JHY: variants seen among roughly 807,000 people sequenced by gnomAD.
JHY encodes the protein jhy protein homolog.
A neutral mutation model predicts 78.0 loss-of-function variants in JHY; 69 were observed. The observed-to-expected ratio is 0.88, with a 90% CI of 0.73 to 1.08. The LOEUF (loss-of-function observed/expected upper bound fraction) is 1.08, where lower values mean the gene tolerates loss of function less well. Among genes scored for constraint, JHY ranks in the 50% least tolerant of loss-of-function variants. The pLI, the probability that JHY is intolerant of heterozygous loss-of-function variation, is 0.00. For synonymous variants in JHY, 368 were observed against 342.6 expected, an observed-to-expected ratio of 1.07 and a Z score of -0.82; for missense variants, 944 against 927.8, an observed-to-expected ratio of 1.02 and a Z score of -0.23.
chr11:122,892,012 T>C (rs1862625407), intron 2 of JHY, among the ~76,000 whole-genome samples: 1 of 152,204 alleles, frequency 6.6e-6, no homozygotes, highest in African/African-American at 2.4e-5. Flanking sequence ...GTAATAAACA[T>C]TTTTAGAGGA....
At chr11:122,941,407 C>A (rs979386090) in intron 5 of JHY, among the ~76,000 whole-genome samples, 8 of 152,144 alleles carry the variant, frequency 5.3e-5, no homozygotes, top group Non-Finnish European at 1.2e-4. Context: ...ACAGTGAAAA[C>A]CTTAGTTTAC....
intron 3 of JHY, among the ~76,000 whole-genome samples, chr11:122,915,398 A>G (rs1863213680): frequency 6.6e-6 from 1 of 152,258 alleles, no homozygotes; most frequent in South Asian, 2.1e-4. Flanking sequence ...AAGGTCCCCA[A>G]GAAACCCGGA....
intron 2 of JHY, among the ~76,000 whole-genome samples, chr11:122,896,506 A>G (rs1173941707): frequency 6.6e-6 from 1 of 152,136 alleles, no homozygotes; most frequent in Non-Finnish European, 1.5e-5. Context: ...TCTTAATCCC[A>G]TTCCCTAAAT....
At chr11:122,957,847 C>A (rs1232377727) in intron 8 of JHY, among the ~76,000 whole-genome samples, 4 of 136,400 alleles carry the variant, frequency 2.9e-5, no homozygotes. Flanking sequence ...GTAAAGTTAA[C>A]CTTTGTTTTT....
At chr11:122,921,927 G>A (rs2135336071) in intron 3 of JHY, among the ~76,000 whole-genome samples, 1 of 152,258 alleles carries the variant, frequency 6.6e-6, no homozygotes, top group Non-Finnish European at 1.5e-5. Context: ...GAGGTTGTAA[G>A]CCAAGATCAT....
At chr11:122,886,374 A>G (rs1214209046) in intron 2 of JHY, among the ~76,000 whole-genome samples, 181 bp downstream of exon 2, 6 of 152,072 alleles carry the variant, frequency 3.9e-5, no homozygotes, top group African/African-American at 4.8e-5. Flanking sequence ...GATTTTTTTT[A>G]ATTAAAAAGT....
At position 122,942,932 on chromosome 11, in the gene JHY, C is replaced by T. The variant is rs535154825; in HGVS notation, c.1635-3566C>T. Among the ~76,000 whole-genome samples, 35 of 152,142 alleles carry T rather than the reference C, an allele frequency of 2.3e-4. 1 individual carries two copies. Among genetic ancestry groups the T allele is most frequent in the South Asian group, 6.2e-4 (3 of 4,816 alleles). On this transcript the variant is annotated intron_variant, in intron 5 of 8. Coordinates refer to ENST00000227349, the MANE Select transcript of JHY (RefSeq NM_024806.4). ...CCATGTTGCCCAGGCTGGAGTGCAA[C>T]GGAGTGATCCTAGCTCACTGCAGTC...
intron 4 of JHY, among the ~76,000 whole-genome samples, chr11:122,928,965 G>A (rs1305219456): frequency 6.8e-6 from 1 of 147,486 alleles, no homozygotes; most frequent in African/African-American, 2.5e-5. Context: ...TCTTTTTAAG[G>A]CTGAGTTTCA....
At chr11:122,933,930 C>T (rs757562824) in intron 4 of JHY, among the ~76,000 whole-genome samples, 12 of 152,158 alleles carry the variant, frequency 7.9e-5, no homozygotes, top group Non-Finnish European at 1.3e-4. Flanking sequence ...GCTTCCCCAC[C>T]TCATCCCCCA....
intron 2 of JHY, among the ~76,000 whole-genome samples, chr11:122,903,235 T>C (rs1862901430): frequency 6.6e-6 from 1 of 152,246 alleles, no homozygotes; most frequent in Non-Finnish European, 1.5e-5. Flanking sequence ...AGTTTTATCT[T>C]CACCAGCTGA....
chr11:122,922,338 CAGGTAGAAGTA>C (rs1863384827), intron 3 of JHY, among the ~76,000 whole-genome samples: 1 of 152,080 alleles, frequency 6.6e-6, no homozygotes, highest in Admixed American at 6.6e-5. Flanking sequence ...AGAGATAGCT[CAGGTAGAAGTA>C]AGGTTACACC....
chr11:122,958,103 A>G (rs909561586), intron 8 of JHY, among the ~76,000 whole-genome samples: 4 of 152,180 alleles, frequency 2.6e-5, no homozygotes, highest in Non-Finnish European at 5.9e-5. Flanking sequence ...TGTAATATAT[A>G]GGTTCCTCTA....
intron 3 of JHY, among the ~76,000 whole-genome samples, chr11:122,910,396 G>A (rs926860284): frequency 2.6e-4 from 39 of 151,948 alleles, no homozygotes; most frequent in Admixed American, 2.0e-3. Context: ...GTCTGAGCTC[G>A]GGAGGCAGGG....
intron 3 of JHY, among the ~76,000 whole-genome samples, chr11:122,915,277 C>G (rs752866887): frequency 6.6e-6 from 1 of 152,120 alleles, no homozygotes; most frequent in African/African-American, 2.4e-5. Context: ...TATGAGCCCG[C>G]GGTCATTTTC....
intron 3 of JHY, among the ~76,000 whole-genome samples, chr11:122,908,513 C>T (rs746054869): frequency 6.6e-6 from 1 of 152,174 alleles, no homozygotes; most frequent in Non-Finnish European, 1.5e-5. Flanking sequence ...GTCCATGGAC[C>T]TCACTTTGAT....
intron 3 of JHY, among the ~76,000 whole-genome samples, chr11:122,922,540 G>A (rs1056631886): frequency 2.5e-4 from 37 of 150,690 alleles, no homozygotes; most frequent in African/African-American, 8.1e-4. Context: ...GGCTGGGCAC[G>A]GTGGCTCACG....
rs1304574077 is a variant in JHY at position 122,883,270 on chromosome 11, GC to G, written c.-90+302del. Among the ~76,000 whole-genome samples the G allele has an allele frequency of 2.0e-5, 3 of 152,144 alleles. No homozygotes were observed. In the East Asian group the frequency reaches 5.8e-4, roughly 29 times the overall value. ...CTTGTCACTTCCTGGACCTCCAAACGCCCCTTGTGACAGGCCTTGTTCCTCA... is the reference window on the plus strand; with the variant it reads ...CTTGTCACTTCCTGGACCTCCAAACGCCCTTGTGACAGGCCTTGTTCCTCA... On this transcript the variant is annotated intron_variant, in intron 1 of 8. Coordinates refer to ENST00000227349, the MANE Select transcript of JHY (RefSeq NM_024806.4). This position sits in a 1 kb window ranked among gnomAD's most constrained non-coding sequence, Gnocchi z 4.4.
At position 122,883,114 on chromosome 11, in the gene JHY, TG is replaced by T. The variant is rs1862418059; in HGVS notation, c.-90+146del. 1 of 151,612 alleles carries T rather than the reference TG, an allele frequency of 6.6e-6. No individual in the cohort carries two copies. Among genetic ancestry groups the T allele is most frequent in the Non-Finnish European group, 1.5e-5 (1 of 68,274 alleles). 9.4% of individuals were successfully genotyped at this position (151,612 alleles called of 1,614,324 possible). ...CGGCGCGGGAGCCTTCGGGACGGAG[TG>T]GGGAGCGACAAGGGGGCGAGGCCGC... On this transcript the variant is annotated intron_variant, in intron 1 of 8. Transcript: ENST00000227349. The surrounding 1 kb of genome is among the most constrained non-coding windows in gnomAD (Gnocchi z 4.4).
At chr11:122,903,108 G>C (rs1480882055) in intron 2 of JHY, among the ~76,000 whole-genome samples, 1 of 152,202 alleles carries the variant, frequency 6.6e-6, no homozygotes, top group Non-Finnish European at 1.5e-5. Flanking sequence ...CTAGGTGACA[G>C]GAATTTTTCA....
Sources: gnomAD v4.1 joint callset for allele counts (sites outside exome capture counted in the v4.1 genomes callset) on GRCh38, gnomAD v4.1.1 for gene constraint, Gnocchi (gnomAD v3.1) non-coding constraint, MANE v1.5 for transcripts, NCBI Gene and HGNC (gene_info 2026-07-23, HGNC 2026-07-21) for gene names.